The following FCHO2 variants were observed in gnomAD, a reference collection of about 807,000 sequenced individuals.
FCHO2 encodes FCH and mu domain containing endocytic adaptor 2, also known as F-BAR domain only protein 2.
Under a neutral mutation model 114.1 loss-of-function variants are expected in FCHO2, and 43 were observed. The ratio of observed to expected loss-of-function variants is 0.38; its 90% confidence interval spans 0.30 to 0.49. The LOEUF (loss-of-function observed/expected upper bound fraction) is 0.49. Ranked by LOEUF, FCHO2 falls within the 20% of genes least tolerant of loss-of-function variation. The pLI is 0.97. For synonymous variants in FCHO2, 293 were observed against 315.2 expected, an observed-to-expected ratio of 0.93 and a Z score of 0.75; for missense variants, 807 against 950.4, an observed-to-expected ratio of 0.85 and a Z score of 1.98.
intron 10 of FCHO2, among the ~76,000 whole-genome samples, 189 bp downstream of exon 10, chr5:73,037,404 TA>T (rs1243485465): frequency 4.6e-5 from 7 of 151,916 alleles, no homozygotes; most frequent in African/African-American, 1.7e-4. Context: ...ATCAAAGTAT[TA>T]TTAATTATTT....
At position 73,015,712 on chromosome 5, in the gene FCHO2, G is replaced by C; in HGVS notation, c.687G>C (p.Leu229Phe). ...SLSNAIKEIH[L>F]QIGQVHEEFI... is the part of the protein sequence containing the mutation. ...CAAATGCTATAAAGGAAATTCATTT[G>C]CAGATAGGCCAGGTAAGTTTTTTTA... Residue 229 changes from leucine (L) to phenylalanine (F), a missense_variant, in exon 7 of 26, where the codon TTG (leucine) becomes TTC (phenylalanine). Transcript: ENST00000430046. The C allele has an allele frequency of 6.3e-7, 1 of 1,575,472 alleles. No individual in the cohort carries two copies. Among genetic ancestry groups the C allele is most frequent in the Non-Finnish European group, 8.6e-7 (1 of 1,166,700 alleles).
At chr5:73,032,854 T>C (rs1028147444) in intron 8 of FCHO2, among the ~76,000 whole-genome samples, 5 of 152,292 alleles carry the variant, frequency 3.3e-5, no homozygotes, top group African/African-American at 1.2e-4. Flanking sequence ...CCCTTTCTTG[T>C]CTCAACAGAC....
chr5:73,087,786 C>A, intron 25 of FCHO2, 33 bp downstream of exon 25: 1 of 1,532,986 alleles, frequency 6.5e-7, no homozygotes, highest in Admixed American at 2.2e-5. Flanking sequence ...TTTTAATGTA[C>A]ATGGGAAACA....
At chr5:73,018,491 C>T (rs796274876) in intron 8 of FCHO2, among the ~76,000 whole-genome samples, 35 of 151,236 alleles carry the variant, frequency 2.3e-4, no homozygotes, top group African/African-American at 6.8e-4. Context: ...TTAAGGATCT[C>T]GAGCTGACCA....
intron 11 of FCHO2, among the ~76,000 whole-genome samples, chr5:73,042,342 C>G (rs1395576382): frequency 6.6e-6 from 1 of 152,048 alleles, no homozygotes. Flanking sequence ...CTTTAGTACT[C>G]ATTTTATTTC....
chr5:73,086,457 G>C (rs1743314149), intron 24 of FCHO2, among the ~76,000 whole-genome samples: 6 of 152,190 alleles, frequency 3.9e-5, no homozygotes, highest in Admixed American at 3.9e-4. Flanking sequence ...GGATCTTACT[G>C]CTAGTACCTA....
intron 8 of FCHO2, among the ~76,000 whole-genome samples, chr5:73,029,111 A>G (rs1756095694): frequency 6.6e-6 from 1 of 152,202 alleles, no homozygotes; most frequent in Non-Finnish European, 1.5e-5. Context: ...CAAATGTCAA[A>G]ATTCATTAAA....
At chr5:73,049,681 AT>A (rs1757250919) in intron 11 of FCHO2, among the ~76,000 whole-genome samples, 1 of 152,182 alleles carries the variant, frequency 6.6e-6, no homozygotes. Flanking sequence ...ACTTATGGGA[AT>A]TTTATGATGT....
intron 18 of FCHO2, among the ~76,000 whole-genome samples, chr5:73,066,077 A>G (rs914817646): frequency 2.6e-5 from 4 of 152,144 alleles, no homozygotes; most frequent in South Asian, 2.1e-4. Context: ...TTCTTATTTC[A>G]TAGTCTTCAA....
intron 17 of FCHO2, among the ~76,000 whole-genome samples, chr5:73,063,059 C>T (rs984028494): frequency 1.3e-5 from 2 of 151,848 alleles, no homozygotes; most frequent in African/African-American, 4.8e-5. Context: ...AGGGTTTAAA[C>T]CTATTTACTT....
intron 8 of FCHO2, among the ~76,000 whole-genome samples, chr5:73,030,257 G>T (rs570294804): frequency 6.6e-6 from 1 of 151,960 alleles, no homozygotes; most frequent in Admixed American, 6.6e-5. Flanking sequence ...GGCCAGGCTG[G>T]CGTTGGACTC....
chr5:73,008,074 G>A (rs1754814099), intron 6 of FCHO2, among the ~76,000 whole-genome samples: 1 of 152,138 alleles, frequency 6.6e-6, no homozygotes, highest in African/African-American at 2.4e-5. Flanking sequence ...GAGAAATGAA[G>A]TTGAATTGAT....
At chr5:72,962,503 C>G (rs182465043) in intron 1 of FCHO2, among the ~76,000 whole-genome samples, 2 of 151,952 alleles carry the variant, frequency 1.3e-5, no homozygotes, top group African/African-American at 4.8e-5. Flanking sequence ...ACGGAAGCAC[C>G]CTTAGAAATT....
intron 5 of FCHO2, among the ~76,000 whole-genome samples, chr5:73,005,150 A>G (rs1308932883): frequency 6.6e-6 from 1 of 152,202 alleles, no homozygotes; most frequent in African/African-American, 2.4e-5. Context: ...AGTATAAACA[A>G]TTACATTTTA....
chr5:73,055,765 A>T (rs1047888192), intron 15 of FCHO2, among the ~76,000 whole-genome samples: 2 of 152,184 alleles, frequency 1.3e-5, no homozygotes, highest in Admixed American at 1.3e-4. Context: ...ACATTTTTCT[A>T]ATTTTTAAAG....
At chr5:72,986,068 A>T (rs1011934963) in intron 2 of FCHO2, among the ~76,000 whole-genome samples, 1 of 151,822 alleles carries the variant, frequency 6.6e-6, no homozygotes. Context: ...TGGATAAATT[A>T]TTCTCATCTA....
chr5:73,087,633 A>G lies in FCHO2; in HGVS notation c.2290A>G (p.Ser764Gly), dbSNP rs1561501487. The change falls in exon 25 of 26, where the codon AGT (serine) becomes GGT (glycine). Residue 764 changes from serine (S) to glycine (G), a missense_variant. By Grantham distance (56) the Ser-to-Gly change is moderately conservative. Coordinates refer to ENST00000430046, the MANE Select transcript of FCHO2 (RefSeq NM_138782.3). ...AAAATTTGATCTTTCAGAAGGACCT[A>G]GTAAACCCACGACACTTGCAGTACA... ...RAKFDLSEGP[S>G]KPTTLAVQFL... 6.2e-7 allele frequency: 1 copy of G among 1,613,800 alleles called. No individual in the cohort carries two copies. Among genetic ancestry groups the G allele is most frequent in the Non-Finnish European group, 8.5e-7 (1 of 1,179,866 alleles).
intron 5 of FCHO2, among the ~76,000 whole-genome samples, chr5:73,004,047 CAAAA>C (rs34849736): frequency 1.1e-4 from 3 of 26,496 alleles, no homozygotes; most frequent in African/African-American, 4.3e-4. Flanking sequence ...GACTCCATCT[CAAAA>C]AAAAAAAAAA....
intron 6 of FCHO2, among the ~76,000 whole-genome samples, chr5:73,009,361 TA>T (rs1475985643): frequency 6.6e-6 from 1 of 152,258 alleles, no homozygotes; most frequent in African/African-American, 2.4e-5. Context: ...CATTAATTTT[TA>T]AAATTGGAAT....
Sources: allele counts gnomAD v4.1 joint callset (sites outside exome capture counted in the v4.1 genomes callset), GRCh38; gene constraint gnomAD v4.1.1; transcripts MANE v1.5; gene names NCBI Gene and HGNC (gene_info 2026-07-23, HGNC 2026-07-21).